The following CDH8 variants were observed in gnomAD, a reference collection of about 807,000 sequenced individuals.
CDH8 encodes the protein cadherin-8.
A neutral mutation model predicts 68.1 loss-of-function variants in CDH8; 17 were observed. That is an observed-to-expected ratio of 0.25 (90% CI 0.17 to 0.37). The LOEUF (loss-of-function observed/expected upper bound fraction) is 0.37, where lower values mean the gene tolerates loss of function less well. Ranked by LOEUF, CDH8 falls within the 10% of genes least tolerant of loss-of-function variation. CDH8 has a pLI of 1.00. For synonymous variants in CDH8, 372 were observed against 365.1 expected (o/e 1.02, Z -0.21); for missense variants, 763 against 999.3 (o/e 0.76, Z 3.19).
At chr16:61,726,955 C>G in intron 9 of CDH8, 139 bp downstream of exon 9, 5 of 887,930 alleles carry the variant, frequency 5.6e-6, no homozygotes, top group Non-Finnish European at 8.6e-6. Context: ...AATTCCCTCT[C>G]TGTTCCCATT....
At chr16:61,864,640 C>G (rs1963219191) in intron 3 of CDH8, among the ~76,000 whole-genome samples, 1 of 152,194 alleles carries the variant, frequency 6.6e-6, no homozygotes, top group East Asian at 1.9e-4. Context: ...CGTGTCTTTG[C>G]AGGGGGAGGA....
At chr16:61,984,389 T>C (rs372833067) in intron 2 of CDH8, among the ~76,000 whole-genome samples, 99 of 152,148 alleles carry the variant, frequency 6.5e-4, no homozygotes, top group African/African-American at 2.2e-3. Context: ...GTGAGTTGAG[T>C]ATTTTTTTGT....
chr16:62,015,866 A>G (rs1331428557), intron 2 of CDH8, among the ~76,000 whole-genome samples: 1 of 152,186 alleles, frequency 6.6e-6, no homozygotes, highest in Non-Finnish European at 1.5e-5. Context: ...CACCAGAACC[A>G]ACCATGCTGG....
intron 10 of CDH8, among the ~76,000 whole-genome samples, chr16:61,674,215 G>A (rs1460250751): frequency 6.6e-6 from 1 of 152,022 alleles, no homozygotes; most frequent in South Asian, 2.1e-4. Context: ...GCCTCTTTGG[G>A]AGGCCAAGGC....
intron 8 of CDH8, among the ~76,000 whole-genome samples, chr16:61,735,030 T>A (rs560821231): frequency 6.6e-6 from 1 of 152,230 alleles, no homozygotes; most frequent in South Asian, 2.1e-4. Flanking sequence ...TCGTGGTTTG[T>A]GATGACATAA....
intron 8 of CDH8, among the ~76,000 whole-genome samples, chr16:61,731,140 C>T (rs549498662): frequency 1.8e-4 from 28 of 151,638 alleles, no homozygotes; most frequent in African/African-American, 6.3e-4. Flanking sequence ...GCAGAAAGTT[C>T]CTTCATATAC....
intron 8 of CDH8, among the ~76,000 whole-genome samples, chr16:61,728,863 AT>A (rs1959454396): frequency 6.7e-6 from 1 of 148,334 alleles, no homozygotes; most frequent in Non-Finnish European, 1.5e-5. Context: ...TTTAAACTCA[AT>A]TTTTTTCCTA....
At chr16:61,845,570 T>G (rs1369600145) in intron 4 of CDH8, among the ~76,000 whole-genome samples, 1 of 151,882 alleles carries the variant, frequency 6.6e-6, no homozygotes, top group Non-Finnish European at 1.5e-5. Context: ...TTCAACTCTG[T>G]TAACCCTATG....
chr16:61,653,112 G>T lies in CDH8; in HGVS notation c.*496C>A. 4 of 1,256,294 alleles carry T rather than the reference G, an allele frequency of 3.2e-6. No individual in the cohort carries two copies. Among genetic ancestry groups the T allele is most frequent in the Non-Finnish European group, 4.0e-6 (4 of 1,001,592 alleles). 77.8% of individuals were successfully genotyped at this position (1,256,294 alleles called of 1,614,324 possible). A position where few individuals can be genotyped will look rare whatever the true frequency, so the allele number is the denominator to read the frequency against. On this transcript the variant is annotated 3_prime_UTR_variant, in exon 12 of 12. Transcript: ENST00000577390. ...AGGAGGCCTCTCAAAACTCCAAAAA[G>T]TTATAATGTACAGCAGACCAAGTAT... is the stretch of plus-strand genomic sequence containing the variant.
At chr16:61,750,156 T>C (rs8045187) in intron 8 of CDH8, among the ~76,000 whole-genome samples, 28,177 of 151,952 alleles carry the variant, frequency 0.19, 4,770 homozygotes, top group African/African-American at 0.45. Context: ...AGTGAGAAAA[T>C]GTGGTATTTG....
chr16:61,917,853 C>T lies in CDH8; in HGVS notation c.253-16380G>A, dbSNP rs528840678. Among the ~76,000 whole-genome samples, 16 of 152,136 alleles carry T rather than the reference C, an allele frequency of 1.1e-4. 1 individual carries two copies. In the South Asian group the frequency reaches 3.3e-3, roughly 32 times the overall value. Reference sequence around the variant, plus strand: ...GAACTGCCTCTGTGAGGACTTTAGACCTAAGCCCTGGAAGAAACAGGGGTG... The same window carrying T: ...GAACTGCCTCTGTGAGGACTTTAGATCTAAGCCCTGGAAGAAACAGGGGTG... On this transcript the variant is annotated intron_variant, in intron 2 of 11. Coordinates refer to ENST00000577390, the MANE Select transcript of CDH8 (RefSeq NM_001796.5).
chr16:62,001,941 T>C (rs1303207337), intron 2 of CDH8, among the ~76,000 whole-genome samples: 3 of 152,008 alleles, frequency 2.0e-5, no homozygotes, highest in African/African-American at 4.8e-5. Flanking sequence ...ATAAGACAAG[T>C]AGATATTATT....
Position 61,652,862 on chromosome 16 carries a change from G to A in CDH8, c.*746C>T. 1 of 1,523,472 alleles carries A rather than the reference G, an allele frequency of 6.6e-7. No individual in the cohort carries two copies. The allele number at this position is 1,523,472 out of a possible 1,614,324, so 94.4% of individuals were successfully genotyped here. A position where few individuals can be genotyped will look rare whatever the true frequency, so the allele number is the denominator to read the frequency against. ...TACAGTTTATCTTTGTGTCCTTGTG[G>A]AAGAAGATGAAGAGGAGGGAACGAG... On this transcript the variant is annotated 3_prime_UTR_variant, in exon 12 of 12. Coordinates refer to ENST00000577390, the MANE Select transcript of CDH8 (RefSeq NM_001796.5).
intron 2 of CDH8, among the ~76,000 whole-genome samples, chr16:61,977,181 G>GAGA: frequency 6.6e-6 from 1 of 152,182 alleles, no homozygotes; most frequent in Admixed American, 6.6e-5. Context: ...TTAACCTTCT[G>GAGA]AGAAATGCTG....
chr16:61,766,198 C>T (rs769142485), intron 8 of CDH8, among the ~76,000 whole-genome samples: 4 of 150,170 alleles, frequency 2.7e-5, no homozygotes, highest in Admixed American at 6.6e-5. Flanking sequence ...AATACCTTTG[C>T]ATGCCCATAG....
At chr16:61,876,787 C>T (rs1963470332) in intron 3 of CDH8, among the ~76,000 whole-genome samples, 1 of 151,820 alleles carries the variant, frequency 6.6e-6, no homozygotes, top group Non-Finnish European at 1.5e-5. Context: ...TGTGTCTGTC[C>T]TTTCTCCCTT....
intron 8 of CDH8, among the ~76,000 whole-genome samples, chr16:61,749,213 GA>G (rs1216772288): frequency 6.6e-6 from 1 of 151,794 alleles, no homozygotes; most frequent in Non-Finnish European, 1.5e-5. Flanking sequence ...ATTAGAGGGG[GA>G]AAAAAAGGCC....
At chr16:61,738,659 A>C (rs1292760979) in intron 8 of CDH8, among the ~76,000 whole-genome samples, 1 of 152,166 alleles carries the variant, frequency 6.6e-6, no homozygotes, top group Non-Finnish European at 1.5e-5. Flanking sequence ...AGTGTGAATG[A>C]GCATGGAACT....
intron 4 of CDH8, among the ~76,000 whole-genome samples, chr16:61,855,507 C>T (rs986831277): frequency 6.6e-6 from 1 of 151,990 alleles, no homozygotes; most frequent in Non-Finnish European, 1.5e-5. Context: ...TGATTTTTTT[C>T]TCCCTATATT....
Sources: allele counts gnomAD v4.1 joint callset (sites outside exome capture counted in the v4.1 genomes callset), GRCh38; gene constraint gnomAD v4.1.1; transcripts MANE v1.5; gene names NCBI Gene and HGNC (gene_info 2026-07-23, HGNC 2026-07-21).